COL10A1: variants seen among roughly 807,000 people sequenced by gnomAD.
COL10A1 encodes the protein collagen type X alpha 1 chain, also known as collagen alpha-1(X) chain.
Under a neutral mutation model 18.2 loss-of-function variants are expected in COL10A1, and 10 were observed. The ratio of observed to expected loss-of-function variants is 0.55; its 90% CI spans 0.34 to 0.93. The LOEUF is 0.93. Among genes scored for constraint, COL10A1 ranks in the 40% least tolerant of loss-of-function variants. The pLI is 0.02. For synonymous variants in COL10A1, 330 were observed against 316.6 expected (o/e 1.04, Z -0.45); for missense variants, 897 against 853.5 (o/e 1.05, Z -0.64).
At chr6:116,148,766 A>G (rs2114389676) in intron 1 of COL10A1, among the ~76,000 whole-genome samples, 1 of 152,282 alleles carries the variant, frequency 6.6e-6, no homozygotes, top group Non-Finnish European at 1.5e-5. Flanking sequence ...ATTCAGATAT[A>G]TGTGAGTGTA....
chr6:116,120,148 A>G lies in COL10A1; in HGVS notation c.1968T>C (p.Asn656=), dbSNP rs1779065599. The G allele has an allele frequency of 1.2e-6, 2 of 1,614,010 alleles. No homozygotes were observed. The highest frequency in any genetic ancestry group is 2.2e-5 in the South Asian group (2 of 91,086). Residue 656 remains asparagine (N), a synonymous_variant, in exon 3 of 3, where the codon AAT becomes AAC. Transcript: ENST00000651968. Reference sequence around the variant, plus strand: ...AGGAGTATAGGCCATTTGACTCGGCATTGGGAAGCTGGAGCCACACCTGGT... The same window carrying G: ...AGGAGTATAGGCCATTTGACTCGGCGTTGGGAAGCTGGAGCCACACCTGGT... The part of the protein sequence containing the change: ...ENDQVWLQLP[N]AESNGLYSSE...
chr6:116,212,664 A>G, the COL10A1 span, among the ~76,000 whole-genome samples: 7 of 152,242 alleles, frequency 4.6e-5, no homozygotes, highest in Admixed American at 3.9e-4. Flanking sequence ...GAAAAATCCA[A>G]AGTTTTTGAG....
At chr6:116,206,721 T>C in the COL10A1 span, among the ~76,000 whole-genome samples, 2 of 152,112 alleles carry the variant, frequency 1.3e-5, no homozygotes, top group South Asian at 4.1e-4. Context: ...ATAAAGTTCC[T>C]TTTGATGTTT....
At chr6:116,210,353 TA>T in the COL10A1 span, among the ~76,000 whole-genome samples, 19 of 149,374 alleles carry the variant, frequency 1.3e-4, no homozygotes, top group African/African-American at 4.1e-4. Flanking sequence ...TGAAATGTAA[TA>T]ATGTACCATG....
At chr6:116,142,077 G>C (rs1413409253) in intron 1 of COL10A1, among the ~76,000 whole-genome samples, 1 of 151,948 alleles carries the variant, frequency 6.6e-6, no homozygotes, top group Non-Finnish European at 1.5e-5. Flanking sequence ...GTAACAAATG[G>C]AATTGATATT....
At chr6:116,167,299 G>A in the COL10A1 span, among the ~76,000 whole-genome samples, 1 of 133,012 alleles carries the variant, frequency 7.5e-6, no homozygotes, top group African/African-American at 2.9e-5. Flanking sequence ...TGCAACTTCC[G>A]CCTCCCAGGT....
the COL10A1 span, among the ~76,000 whole-genome samples, chr6:116,188,064 A>G: frequency 6.6e-6 from 1 of 152,006 alleles, no homozygotes; most frequent in Non-Finnish European, 1.5e-5. Flanking sequence ...CAAATAGGGA[A>G]CTCTAAATGG....
chr6:116,151,777 T>C (rs2114398676), intron 1 of COL10A1, among the ~76,000 whole-genome samples: 1 of 152,286 alleles, frequency 6.6e-6, no homozygotes, highest in Middle Eastern at 3.4e-3. Context: ...CCACAGCAAA[T>C]AAACTTTTTT....
At chr6:116,194,710 T>A in the COL10A1 span, among the ~76,000 whole-genome samples, 1 of 152,062 alleles carries the variant, frequency 6.6e-6, no homozygotes, top group Non-Finnish European at 1.5e-5. Flanking sequence ...AGTATAATTA[T>A]ATTATTTAGA....
At chr6:116,209,022 C>A in the COL10A1 span, among the ~76,000 whole-genome samples, 1 of 151,978 alleles carries the variant, frequency 6.6e-6, no homozygotes, top group Admixed American at 6.6e-5. Context: ...ATTCACTCTG[C>A]TCAGAGACTG....
chr6:116,150,561 A>T (rs1285666383), intron 1 of COL10A1, among the ~76,000 whole-genome samples: 1 of 152,228 alleles, frequency 6.6e-6, no homozygotes, highest in African/African-American at 2.4e-5. Context: ...CTGGGATTAC[A>T]GGCGTGAGTC....
intron 1 of COL10A1, among the ~76,000 whole-genome samples, chr6:116,151,811 A>G (rs1780048126): frequency 6.6e-6 from 1 of 152,200 alleles, no homozygotes; most frequent in Non-Finnish European, 1.5e-5. Context: ...ACAACAAAAT[A>G]CTTCACTGTA....
upstream of COL10A1, among the ~76,000 whole-genome samples, chr6:116,161,097 A>C (rs1049963768): frequency 1.3e-5 from 2 of 151,208 alleles, no homozygotes; most frequent in East Asian, 2.0e-4. Flanking sequence ...AAGAACAAAA[A>C]ACCAAACACC....
At chr6:116,148,861 G>C (rs946319708) in intron 1 of COL10A1, among the ~76,000 whole-genome samples, 1 of 152,040 alleles carries the variant, frequency 6.6e-6, no homozygotes, top group Admixed American at 6.6e-5. Context: ...GGAAAATAAG[G>C]GTCTAGCCAA....
chr6:116,139,521 A>G (rs1454501094), intron 1 of COL10A1, among the ~76,000 whole-genome samples: 1 of 152,148 alleles, frequency 6.6e-6, no homozygotes, highest in Non-Finnish European at 1.5e-5. Flanking sequence ...ATGATATTGA[A>G]CTGCATTTAA....
the COL10A1 span, among the ~76,000 whole-genome samples, chr6:116,211,107 G>A: frequency 2.0e-5 from 3 of 152,038 alleles, no homozygotes; most frequent in African/African-American, 7.2e-5. Flanking sequence ...GAAACCCACC[G>A]CCACTTAAGA....
At chr6:116,211,267 C>T in the COL10A1 span, among the ~76,000 whole-genome samples, 30,381 of 151,844 alleles carry the variant, frequency 0.2, 3,881 homozygotes, top group Middle Eastern at 0.34. Context: ...TCCATACCCC[C>T]GGGCACAACT....
At chr6:116,182,807 T>G in the COL10A1 span, among the ~76,000 whole-genome samples, 2 of 152,166 alleles carry the variant, frequency 1.3e-5, no homozygotes, top group African/African-American at 2.4e-5. Flanking sequence ...GATGTATAGA[T>G]TGTAAAGATT....
chr6:116,135,175 T>C (rs1171236181), intron 1 of COL10A1, among the ~76,000 whole-genome samples: 1 of 152,180 alleles, frequency 6.6e-6, no homozygotes, highest in Non-Finnish European at 1.5e-5. Context: ...CTGCTCAGCC[T>C]ACCTGTTAGC....
Sources: gnomAD v4.1 joint callset for allele counts (sites outside exome capture counted in the v4.1 genomes callset) on GRCh38, gnomAD v4.1.1 for gene constraint, MANE v1.5 for transcripts, NCBI Gene and HGNC (gene_info 2026-07-23, HGNC 2026-07-21) for gene names.